ITK: variants seen among roughly 807,000 people sequenced by gnomAD.
ITK encodes tyrosine-protein kinase ITK/TSK.
In ITK, 45 loss-of-function variants were observed where a neutral mutation model predicts 87.6. That is an observed-to-expected ratio of 0.51 (90% CI 0.40 to 0.66). ITK has a LOEUF of 0.66. Ranked by LOEUF, ITK falls within the 30% of genes least tolerant of loss-of-function variation. ITK has a pLI of 0.00. For synonymous variants in ITK, 303 were observed against 273.6 expected, an observed-to-expected ratio of 1.11 and a Z score of -1.06; for missense variants, 605 against 766.3, an observed-to-expected ratio of 0.79 and a Z score of 2.48.
At chr5:157,242,678 T>A (rs1339368302) in intron 11 of ITK, among the ~76,000 whole-genome samples, 2 of 152,128 alleles carry the variant, frequency 1.3e-5, no homozygotes, top group Non-Finnish European at 1.5e-5. Context: ...TGGCTGGTCT[T>A]AAACTCCTGG....
At chr5:157,184,331 A>G (rs1753599529) in intron 1 of ITK, among the ~76,000 whole-genome samples, 1 of 152,158 alleles carries the variant, frequency 6.6e-6, no homozygotes, top group Non-Finnish European at 1.5e-5. Context: ...TTAAACTACC[A>G]ATGTGATGTC....
At chr5:157,231,876 C>G (rs1561660320) in intron 7 of ITK, among the ~76,000 whole-genome samples, 1 of 152,204 alleles carries the variant, frequency 6.6e-6, no homozygotes, top group Non-Finnish European at 1.5e-5. Flanking sequence ...ATTTGCTAAA[C>G]TTTCAAACTG....
In ITK at chr5:157,197,328, G is replaced by A. The variant is rs189840618; in HGVS notation, c.139-11561G>A. On this transcript the variant is annotated intron_variant, in intron 1 of 16. Transcript: ENST00000422843. The stretch of plus-strand genomic sequence containing the variant: ...CGGTTACAAGGGCGTGCATCATTTC[G>A]CACACCCAGCATTTGATGCATACCC... 2.2e-3 allele frequency among the ~76,000 whole-genome samples: 339 copies of A among 152,192 alleles called. 1 individual carries two copies. Among genetic ancestry groups the A allele is most frequent in the African/African-American group, 7.6e-3 (316 of 41,522 alleles).
intron 1 of ITK, among the ~76,000 whole-genome samples, chr5:157,200,085 G>A (rs1753934889): frequency 1.1e-5 from 1 of 91,070 alleles, no homozygotes; most frequent in Non-Finnish European, 2.3e-5. Context: ...GAAAGAAAGA[G>A]AGAAAGGAAA....
At chr5:157,228,784 T>C (rs1020091414) in intron 7 of ITK, among the ~76,000 whole-genome samples, 1 of 152,048 alleles carries the variant, frequency 6.6e-6, no homozygotes, top group Non-Finnish European at 1.5e-5. Context: ...CATGCCACCA[T>C]GTCCAGCTAA....
intron 1 of ITK, among the ~76,000 whole-genome samples, chr5:157,188,552 C>T (rs1213163895): frequency 6.6e-6 from 1 of 152,176 alleles, no homozygotes; most frequent in Non-Finnish European, 1.5e-5. Context: ...CACTCATTCT[C>T]AGGATGCAGG....
At chr5:157,185,322 T>G (rs1257748817) in intron 1 of ITK, among the ~76,000 whole-genome samples, 2 of 151,770 alleles carry the variant, frequency 1.3e-5, no homozygotes, top group Admixed American at 6.6e-5. Flanking sequence ...CACTGCAACC[T>G]CTGCCTCCCA....
chr5:157,204,706 C>CA (rs1251743055), intron 1 of ITK, among the ~76,000 whole-genome samples: 1 of 149,946 alleles, frequency 6.7e-6, no homozygotes, highest in South Asian at 2.1e-4. Context: ...CTCAAAAAAA[C>CA]AAAAAAGAGA....
intron 16 of ITK, among the ~76,000 whole-genome samples, chr5:157,249,862 G>A (rs956852309): frequency 6.6e-5 from 10 of 152,152 alleles, no homozygotes; most frequent in African/African-American, 2.4e-4. Flanking sequence ...ATAAGGATTA[G>A]CTACAATAAT....
intron 5 of ITK, among the ~76,000 whole-genome samples, chr5:157,219,328 G>T (rs1292802504): frequency 1.3e-5 from 2 of 152,012 alleles, no homozygotes; most frequent in East Asian, 1.9e-4. Flanking sequence ...GGCCAGGCAG[G>T]TCTTGAACTC....
intron 5 of ITK, among the ~76,000 whole-genome samples, 175 bp downstream of exon 5, chr5:157,218,082 G>T (rs1280168197): frequency 6.6e-6 from 1 of 152,078 alleles, no homozygotes; most frequent in Admixed American, 6.6e-5. Flanking sequence ...AACTCTCTTG[G>T]GGGGTCTGTC....
chr5:157,254,720 T>G lies in ITK; in HGVS notation c.*2042T>G, dbSNP rs1755216542. ...ATCTTTTGGGATCCTTAATTAGAGATGATTTCTGGAACATTCAGTCTAGAA... is the reference window on the plus strand; with the variant it reads ...ATCTTTTGGGATCCTTAATTAGAGAGGATTTCTGGAACATTCAGTCTAGAA... On this transcript the variant is annotated 3_prime_UTR_variant, in exon 17 of 17. Coordinates refer to ENST00000422843, the MANE Select transcript of ITK (RefSeq NM_005546.4). 4.6e-6 allele frequency: 1 copy of G among 218,748 alleles called. No homozygotes were observed. Among genetic ancestry groups the G allele is most frequent in the Non-Finnish European group, 9.2e-6 (1 of 109,008 alleles). The allele number at this position is 218,748 out of a possible 1,614,324, so 13.6% of individuals were successfully genotyped here. A position where few individuals can be genotyped will look rare whatever the true frequency, so the allele number is the denominator to read the frequency against.
rs1339678607 is a variant in ITK at position 157,254,497 on chromosome 5, A to G, written c.*1819A>G. On this transcript the variant is annotated 3_prime_UTR_variant, in exon 17 of 17. Coordinates refer to ENST00000422843, the MANE Select transcript of ITK (RefSeq NM_005546.4). ...ACTTCATGAGGAGGGACATTCCCTGATATAAGAGAGGATGGTGTTGCAATT... is the reference window on the plus strand; with the variant it reads ...ACTTCATGAGGAGGGACATTCCCTGGTATAAGAGAGGATGGTGTTGCAATT... The G allele has an allele frequency of 4.5e-6, 1 of 220,488 alleles. No individual in the cohort carries two copies. The highest frequency in any genetic ancestry group is 9.1e-6 in the Non-Finnish European group (1 of 110,102). 13.7% of individuals were successfully genotyped at this position (220,488 alleles called of 1,614,324 possible).
chr5:157,240,137 A>G lies in ITK; in HGVS notation c.927A>G (p.Glu309=), dbSNP rs372201861. 10 of 1,613,826 alleles carry G rather than the reference A, an allele frequency of 6.2e-6. No individual in the cohort carries two copies. In the African/African-American group the frequency reaches 1.2e-4, roughly 19 times the overall value. Residue 309 remains glutamate (E), a synonymous_variant, in exon 10 of 17, where the codon GAA becomes GAG. Coordinates refer to ENST00000422843, the MANE Select transcript of ITK (RefSeq NM_005546.4). ...NDNPKRYYVA[E]KYVFDSIPLL... is the part of the protein sequence containing the mutation. ...ATCCTAAGCGATACTATGTGGCTGA[A>G]AAGTATGTGTTCGATTCCATCCCTC...
intron 1 of ITK, among the ~76,000 whole-genome samples, chr5:157,182,393 A>G (rs1753552132): frequency 1.3e-5 from 2 of 152,164 alleles, no homozygotes; most frequent in South Asian, 4.1e-4. Flanking sequence ...CACTTTTTAA[A>G]GTTGCAGGTG....
chr5:157,191,416 A>G (rs1489649166), intron 1 of ITK, among the ~76,000 whole-genome samples: 1 of 152,204 alleles, frequency 6.6e-6, no homozygotes, highest in Non-Finnish European at 1.5e-5. Flanking sequence ...ATCAGCTTTG[A>G]TTAATCTCAA....
At chr5:157,226,202 G>A (rs1248941010) in intron 6 of ITK, among the ~76,000 whole-genome samples, 1 of 152,150 alleles carries the variant, frequency 6.6e-6, no homozygotes. Flanking sequence ...AATCCATTTC[G>A]TGAACTGTAA....
In ITK at chr5:157,208,987, G is replaced by A. The variant is rs201403794; in HGVS notation, c.237G>A (p.Pro79=). ...GCATCCCATGCCACTATAAATACCC[G>A]TTTCAGGTAAGTCCATCAGGTGGGT... ...DISIPCHYKY[P]FQVVHDNYLL... is the part of the protein sequence containing the mutation. Residue 79 remains proline (P), a synonymous_variant, in exon 2 of 17, where the codon CCG becomes CCA. Coordinates refer to ENST00000422843, the MANE Select transcript of ITK (RefSeq NM_005546.4). The A allele has an allele frequency of 2.9e-4, 471 of 1,607,372 alleles. 2 individuals carry two copies. The Middle Eastern group carries it at 4.0e-3, about 14-fold the overall frequency.
chr5:157,203,786 G>T (rs1437657122), intron 1 of ITK, among the ~76,000 whole-genome samples: 1 of 152,180 alleles, frequency 6.6e-6, no homozygotes, highest in East Asian at 1.9e-4. Context: ...GCTTTTGCGG[G>T]AAGACAAACC....
Sources: gnomAD v4.1 joint callset for allele counts (sites outside exome capture counted in the v4.1 genomes callset) on GRCh38, gnomAD v4.1.1 for gene constraint, MANE v1.5 for transcripts, NCBI Gene and HGNC (gene_info 2026-07-23, HGNC 2026-07-21) for gene names.